KTN1: variants seen among roughly 807,000 people sequenced by gnomAD.
The protein encoded by KTN1 is kinectin.
A neutral mutation model predicts 222.5 loss-of-function variants in KTN1; 130 were observed. The observed-to-expected ratio is 0.58, with a 90% confidence interval of 0.51 to 0.68. The LOEUF is 0.68. Among genes scored for constraint, KTN1 ranks in the 30% least tolerant of loss-of-function variants. The probability of loss-of-function intolerance (pLI) is 0.00; values close to 1 mark genes in which losing one functional copy is unlikely to be tolerated. For missense variants in KTN1, 1,508 were observed against 1,500.4 expected (o/e 1.01, Z -0.08); for synonymous variants, 512 against 496.3 (o/e 1.03, Z -0.42).
intron 24 of KTN1, chr14:55,651,193 C>G (rs1397322553): frequency 2.2e-6 from 1 of 450,306 alleles, no homozygotes; most frequent in African/African-American, 2.0e-5. Flanking sequence ...TGTCAAAGCA[C>G]TGTACTCGTG....
Position 55,684,269 on chromosome 14 carries a change from A to G in KTN1, c.*166A>G. 2 of 492,004 alleles carry G rather than the reference A, an allele frequency of 4.1e-6. No individual in the cohort carries two copies. The highest frequency in any genetic ancestry group is 7.1e-6 in the Non-Finnish European group (2 of 283,396). The allele number at this position is 492,004 out of a possible 1,614,324, so 30.5% of individuals were successfully genotyped here. A position where few individuals can be genotyped will look rare whatever the true frequency, so the allele number is the denominator to read the frequency against. ...ACTACTGATTTAAAGAAGGAAAAAA[A>G]AAAGCCAACTCTGTAGACACCTTCA... is the stretch of plus-strand genomic sequence containing the variant. On this transcript the variant is annotated 3_prime_UTR_variant, in exon 44 of 44. Transcript: ENST00000395314.
intron 8 of KTN1, among the ~76,000 whole-genome samples, chr14:55,634,096 T>C (rs1210193879): frequency 1.3e-5 from 2 of 152,004 alleles, no homozygotes; most frequent in Non-Finnish European, 2.9e-5. Flanking sequence ...ATTGTGCCAC[T>C]GTACTCCAGC....
intron 10 of KTN1, 126 bp downstream of exon 10, chr14:55,636,662 C>A: frequency 1.6e-6 from 1 of 607,806 alleles, no homozygotes; most frequent in South Asian, 2.3e-5. Context: ...AGCTTTTATA[C>A]TTTCAGAATA....
intron 1 of KTN1, among the ~76,000 whole-genome samples, chr14:55,593,699 G>C (rs1346151710): frequency 6.6e-6 from 1 of 151,928 alleles, no homozygotes; most frequent in Non-Finnish European, 1.5e-5. Flanking sequence ...TTGCATTAAG[G>C]AATTACTAAT....
Position 55,671,768 on chromosome 14 carries a change from T to C in KTN1, c.3439-17T>C, listed in dbSNP as rs1199539307. On this transcript the variant is annotated splice_polypyrimidine_tract_variant and intron_variant, in intron 36 of 43. Coordinates refer to ENST00000395314, the MANE Select transcript of KTN1 (RefSeq NM_001079521.2). Reference sequence around the variant, plus strand: ...TAGAACATGAATTTTTCAAAACAACTATGCTTTTGTCTGTAGGAAGGAATT... The same window carrying C: ...TAGAACATGAATTTTTCAAAACAACCATGCTTTTGTCTGTAGGAAGGAATT... 6.3e-7 allele frequency: 1 copy of C among 1,586,050 alleles called. No individual in the cohort carries two copies. Among genetic ancestry groups the C allele is most frequent in the Non-Finnish European group, 8.7e-7 (1 of 1,155,720 alleles).
chr14:55,587,278 A>G (rs28534706), intron 1 of KTN1, among the ~76,000 whole-genome samples: 3,653 of 152,228 alleles, frequency 0.024, 98 homozygotes, highest in African/African-American at 0.065. Context: ...ATAAAGTGAA[A>G]CTCTAAGAAT....
intron 2 of KTN1, among the ~76,000 whole-genome samples, chr14:55,615,027 C>G (rs1021394012): frequency 6.6e-6 from 1 of 152,090 alleles, no homozygotes; most frequent in African/African-American, 2.4e-5. Context: ...GTAGATAGCT[C>G]ATCCAAGGGA....
In KTN1 at chr14:55,612,004, T is replaced by G; in HGVS notation, c.-30-15T>G. On this transcript the variant is annotated splice_polypyrimidine_tract_variant and intron_variant, in intron 1 of 43. Transcript: ENST00000395314. Reference sequence around the variant, plus strand: ...TTCTTTTTTTTTTTTTGTCCCCACCTTCTTCCCTATTTAGGTTTTATAGGA... The same window carrying G: ...TTCTTTTTTTTTTTTTGTCCCCACCGTCTTCCCTATTTAGGTTTTATAGGA... 9.1e-7 allele frequency: 1 copy of G among 1,094,178 alleles called. No homozygotes were observed. The highest frequency in any genetic ancestry group is 1.2e-6 in the Non-Finnish European group (1 of 814,672). The allele number at this position is 1,094,178 out of a possible 1,614,324, so 67.8% of individuals were successfully genotyped here.
At chr14:55,664,773 A>G (rs185071602) in intron 33 of KTN1, among the ~76,000 whole-genome samples, 1 of 152,204 alleles carries the variant, frequency 6.6e-6, no homozygotes, top group East Asian at 1.9e-4. Context: ...AAAGATTGAG[A>G]AAATTGAATC....
At chr14:55,591,591 T>C (rs1172279034) in intron 1 of KTN1, among the ~76,000 whole-genome samples, 1 of 123,232 alleles carries the variant, frequency 8.1e-6, no homozygotes, top group African/African-American at 2.9e-5. Context: ...CTTTTTTTTT[T>C]TTTTTTTTTT....
chr14:55,671,318 G>C (rs1317033763), intron 35 of KTN1: 4 of 474,862 alleles, frequency 8.4e-6, no homozygotes, highest in Non-Finnish European at 1.5e-5. Context: ...ATGTGGGTCT[G>C]CTTTGATCTT....
chr14:55,642,018 T>G (rs1475188156), intron 18 of KTN1, among the ~76,000 whole-genome samples: 1 of 152,230 alleles, frequency 6.6e-6, no homozygotes, highest in East Asian at 1.9e-4. Flanking sequence ...TTAAGCCATT[T>G]TGATACATTT....
chr14:55,677,425 C>T (rs144996298), intron 41 of KTN1, among the ~76,000 whole-genome samples: 3,005 of 145,398 alleles, frequency 0.021, 107 homozygotes, highest in African/African-American at 0.074. Context: ...TGCAGTGAGC[C>T]GAGATTACGC....
In KTN1 at chr14:55,671,730, T is replaced by C. The variant is rs755076426; in HGVS notation, c.3439-55T>C. On this transcript the variant is annotated intron_variant, in intron 36 of 43. Coordinates refer to ENST00000395314, the MANE Select transcript of KTN1 (RefSeq NM_001079521.2). ...CTTCTTCCTTCATGGCCTAAATAGT[T>C]TTATCTTGGCATTAGAACATGAATT... The C allele has an allele frequency of 2.0e-6, 3 of 1,531,784 alleles. No homozygotes were observed. In the African/African-American group the frequency reaches 4.1e-5, roughly 21 times the overall value. 94.9% of individuals were successfully genotyped at this position (1,531,784 alleles called of 1,614,324 possible). A position where few individuals can be genotyped will look rare whatever the true frequency, so the allele number is the denominator to read the frequency against.
At chr14:55,633,770 G>C (rs1370710972) in intron 8 of KTN1, among the ~76,000 whole-genome samples, 1 of 152,074 alleles carries the variant, frequency 6.6e-6, no homozygotes, top group Non-Finnish European at 1.5e-5. Context: ...CTAATTAAAA[G>C]GTGTATTCTT....
chr14:55,620,572 G>A (rs2039000030), intron 5 of KTN1, among the ~76,000 whole-genome samples: 1 of 152,172 alleles, frequency 6.6e-6, no homozygotes, highest in Non-Finnish European at 1.5e-5. Context: ...GCACCCACAG[G>A]TTCAACACTA....
At position 55,612,300 on chromosome 14, in the gene KTN1, TAAATTA is replaced by T. The variant is rs1274460527; in HGVS notation, c.253_258del (p.Lys85_Leu86del). 6.2e-7 allele frequency: 1 copy of T among 1,613,494 alleles called. No individual in the cohort carries two copies. The highest frequency in any genetic ancestry group is 8.5e-7 in the Non-Finnish European group (1 of 1,179,908). On this transcript the variant is annotated inframe_deletion, in exon 2 of 44. Coordinates refer to ENST00000395314, the MANE Select transcript of KTN1 (RefSeq NM_001079521.2). ...ACTCTGAGAGTGTACCTCGAGACTT[TAAATTA>T]TCAGATGCTTTGGCAGTAGAAGATG...
intron 41 of KTN1, among the ~76,000 whole-genome samples, chr14:55,677,123 A>G (rs992126897): frequency 7.2e-5 from 11 of 152,328 alleles, no homozygotes; most frequent in African/African-American, 2.6e-4. Flanking sequence ...CCCCATACCT[A>G]TACAGTAGAA....
chr14:55,617,390 C>G (rs569956772), intron 3 of KTN1, among the ~76,000 whole-genome samples: 1 of 152,186 alleles, frequency 6.6e-6, no homozygotes, highest in East Asian at 1.9e-4. Context: ...CAAATTCTTC[C>G]CATTAAAATT....
Sources: allele counts gnomAD v4.1 joint callset (sites outside exome capture counted in the v4.1 genomes callset), GRCh38; gene constraint gnomAD v4.1.1; transcripts MANE v1.5; gene names NCBI Gene and HGNC (gene_info 2026-07-23, HGNC 2026-07-21).